Variants in OSBPL10 observed in about 807,000 individuals in gnomAD.
OSBPL10 encodes the protein oxysterol binding protein like 10, also known as oxysterol-binding protein-related protein 10.
Under a neutral mutation model 81.7 loss-of-function variants are expected in OSBPL10, and 49 were observed. The ratio of observed to expected loss-of-function variants is 0.60; its 90% CI spans 0.48 to 0.76. The LOEUF is 0.76. OSBPL10 is among the 30% of genes least tolerant of loss of function. The pLI is 0.00. For missense variants in OSBPL10, 923 were observed against 987.8 expected (o/e 0.93, Z 0.88); for synonymous variants, 419 against 383.6 (o/e 1.09, Z -1.08).
chr3:31,696,722 T>G (rs1695732794), intron 7 of OSBPL10, among the ~76,000 whole-genome samples: 1 of 152,252 alleles, frequency 6.6e-6, no homozygotes, highest in Non-Finnish European at 1.5e-5. Flanking sequence ...TGTAATTGGA[T>G]ATTTTTCCCC....
intron 3 of OSBPL10, among the ~76,000 whole-genome samples, chr3:31,860,318 A>C (rs1701027395): frequency 6.6e-6 from 1 of 152,186 alleles, no homozygotes; most frequent in Admixed American, 6.5e-5. Flanking sequence ...ACTTGCCCCC[A>C]GGTCTATGGA....
intron 2 of OSBPL10, among the ~76,000 whole-genome samples, chr3:32,033,634 A>G (rs28583507): frequency 0.015 from 2,307 of 152,306 alleles, 56 homozygotes; most frequent in African/African-American, 0.052. Context: ...CATACACTCT[A>G]TGATAGGTTT....
chr3:31,936,900 G>A (rs552990270), intron 1 of OSBPL10, among the ~76,000 whole-genome samples: 19 of 152,216 alleles, frequency 1.2e-4, no homozygotes, highest in African/African-American at 4.3e-4. Context: ...GAAACCCCAA[G>A]GAGTCTTCTT....
intron 2 of OSBPL10, among the ~76,000 whole-genome samples, chr3:32,021,809 T>C (rs1318171747): frequency 6.6e-6 from 1 of 151,714 alleles, no homozygotes; most frequent in Non-Finnish European, 1.5e-5. Flanking sequence ...ACTCCATCTC[T>C]ACAAAAAAAT....
At chr3:31,867,411 C>T (rs184146175) in intron 3 of OSBPL10, among the ~76,000 whole-genome samples, 1 of 152,244 alleles carries the variant, frequency 6.6e-6, no homozygotes, top group Non-Finnish European at 1.5e-5. Flanking sequence ...GAAACACTTC[C>T]CTTTATTTTC....
At chr3:31,695,825 G>T (rs940735059) in intron 7 of OSBPL10, among the ~76,000 whole-genome samples, 1 of 152,012 alleles carries the variant, frequency 6.6e-6, no homozygotes, top group African/African-American at 2.4e-5. Context: ...CTCTCAGCTG[G>T]TCACTTTCCT....
intron 3 of OSBPL10, among the ~76,000 whole-genome samples, chr3:31,840,334 G>A (rs1019507062): frequency 6.6e-6 from 1 of 152,168 alleles, no homozygotes. Flanking sequence ...CTCTGACAGA[G>A]CACTCCTGTC....
At chr3:31,939,422 C>T (rs1477640643) in intron 1 of OSBPL10, among the ~76,000 whole-genome samples, 3 of 151,354 alleles carry the variant, frequency 2.0e-5, no homozygotes, top group African/African-American at 7.3e-5. Flanking sequence ...GGATTACAGG[C>T]ATGAGTCACC....
At chr3:31,877,592 C>T (rs973438106) in intron 2 of OSBPL10, among the ~76,000 whole-genome samples, 1 of 151,036 alleles carries the variant, frequency 6.6e-6, no homozygotes, top group Admixed American at 6.6e-5. Flanking sequence ...AAAAAAACAA[C>T]GATTCCCTGG....
Position 31,856,225 on chromosome 3 carries a change from G to T in OSBPL10, c.537+20208C>A, listed in dbSNP as rs116040377. Among the ~76,000 whole-genome samples, 1,118 of 151,632 alleles carry T rather than the reference G, an allele frequency of 7.4e-3. 25 individuals carry two copies. The highest frequency in any genetic ancestry group is 0.025 in the African/African-American group (1,013 of 41,298). On this transcript the variant is annotated intron_variant, in intron 3 of 11. Coordinates refer to ENST00000396556, the MANE Select transcript of OSBPL10 (RefSeq NM_017784.5). ...AAATGTTAAGATTATGCTGGAGAAG[G>T]TATGCAAAATTGTTGCACTTTATTA...
In OSBPL10 at chr3:31,981,073, GC is replaced by G; in HGVS notation, c.106del (p.Ala36ArgfsTer74). ...SAGSSPSCSL[A>X]GRGVSSRSAA... ...CGACCGGCTGGAGACCCCCCGGCCC[GC>G]CAGAGAGCAGGAGGGCGAGGAGCCC... On this transcript the variant is annotated frameshift_variant, in exon 1 of 12. Coordinates refer to ENST00000396556, the MANE Select transcript of OSBPL10 (RefSeq NM_017784.5). LOFTEE classifies it high-confidence loss of function. This position sits in a 1 kb window ranked among gnomAD's most constrained non-coding sequence, Gnocchi z 4.5. The G allele has an allele frequency of 6.7e-7, 1 of 1,490,664 alleles. No individual in the cohort carries two copies. Among genetic ancestry groups the G allele is most frequent in the Non-Finnish European group, 8.9e-7 (1 of 1,124,628 alleles). The allele number at this position is 1,490,664 out of a possible 1,614,324, so 92.3% of individuals were successfully genotyped here.
intron 4 of OSBPL10, among the ~76,000 whole-genome samples, chr3:31,800,977 A>C (rs1005538317): frequency 6.7e-6 from 1 of 149,492 alleles, no homozygotes; most frequent in African/African-American, 2.4e-5. Context: ...GATCCCCTTG[A>C]CCAAAAAAAG....
chr3:31,809,246 T>C (rs1377089396), intron 4 of OSBPL10, among the ~76,000 whole-genome samples: 1 of 152,174 alleles, frequency 6.6e-6, no homozygotes, highest in Non-Finnish European at 1.5e-5. Context: ...TATATTTAGA[T>C]TTGGGGGAAT....
At chr3:31,792,533 G>C (rs1005062442) in intron 4 of OSBPL10, among the ~76,000 whole-genome samples, 9 of 152,126 alleles carry the variant, frequency 5.9e-5, no homozygotes, top group African/African-American at 2.2e-4. Context: ...TGTTGCAGCG[G>C]GGCGGAGGGG....
chr3:31,739,885 A>C (rs1053940101), intron 5 of OSBPL10, among the ~76,000 whole-genome samples: 13 of 152,330 alleles, frequency 8.5e-5, no homozygotes, highest in African/African-American at 3.1e-4. Flanking sequence ...ATTTTGGTTA[A>C]AAATATTGCA....
At chr3:31,806,995 G>A (rs1198440872) in intron 4 of OSBPL10, among the ~76,000 whole-genome samples, 1 of 152,168 alleles carries the variant, frequency 6.6e-6, no homozygotes, top group African/African-American at 2.4e-5. Flanking sequence ...GGACAGCCCA[G>A]GCCACAGACA....
At chr3:31,693,968 C>T (rs1248390282) in intron 7 of OSBPL10, among the ~76,000 whole-genome samples, 1 of 152,128 alleles carries the variant, frequency 6.6e-6, no homozygotes, top group Non-Finnish European at 1.5e-5. Flanking sequence ...CAAGGTCTTG[C>T]TATGTTGCTC....
intron 4 of OSBPL10, among the ~76,000 whole-genome samples, chr3:31,806,339 C>A (rs1247506732): frequency 6.6e-6 from 1 of 152,212 alleles, no homozygotes; most frequent in Non-Finnish European, 1.5e-5. Context: ...TGTTCACAGA[C>A]AAGACTTCCT....
chr3:31,722,616 A>T (rs992490168), intron 6 of OSBPL10, among the ~76,000 whole-genome samples: 2 of 152,124 alleles, frequency 1.3e-5, no homozygotes, highest in African/African-American at 4.8e-5. Flanking sequence ...CTATAAGAAA[A>T]GTTCACATCC....
Sources: gnomAD v4.1 joint callset for allele counts (sites outside exome capture counted in the v4.1 genomes callset) on GRCh38, gnomAD v4.1.1 for gene constraint, Gnocchi (gnomAD v3.1) non-coding constraint, MANE v1.5 for transcripts, NCBI Gene and HGNC (gene_info 2026-07-23, HGNC 2026-07-21) for gene names.